The following HNRNPC variants were observed in gnomAD, a reference collection of about 807,000 sequenced individuals.
HNRNPC encodes heterogeneous nuclear ribonucleoprotein C.
Under a neutral mutation model 33.2 loss-of-function variants are expected in HNRNPC, and 3 were observed. The ratio of observed to expected loss-of-function variants is 0.09; its 90% CI spans 0.04 to 0.23. The LOEUF is 0.23. Among genes scored for constraint, HNRNPC ranks in the 10% least tolerant of loss-of-function variants. The probability of loss-of-function intolerance (pLI) is 1.00; values close to 1 mark genes in which losing one functional copy is unlikely to be tolerated. For missense variants in HNRNPC, 143 were observed against 366.7 expected, an observed-to-expected ratio of 0.39 and a Z score of 4.98; for synonymous variants, 121 against 126.7, an observed-to-expected ratio of 0.96 and a Z score of 0.30.
intron 5 of HNRNPC, among the ~76,000 whole-genome samples, chr14:21,218,011 T>G (rs2139502953): frequency 6.6e-6 from 1 of 152,260 alleles, no homozygotes; most frequent in East Asian, 1.9e-4. Context: ...TTCTGAAACT[T>G]GACTGGATTC....
chr14:21,216,891 T>C (rs890215508), intron 5 of HNRNPC, among the ~76,000 whole-genome samples: 3 of 152,192 alleles, frequency 2.0e-5, no homozygotes, highest in Non-Finnish European at 2.9e-5. Flanking sequence ...ATATGTCAAA[T>C]TGTGACCGAA....
intron 5 of HNRNPC, among the ~76,000 whole-genome samples, chr14:21,214,382 C>G (rs1046193286): frequency 7.2e-5 from 11 of 152,322 alleles, no homozygotes; most frequent in South Asian, 2.1e-4. Context: ...ATTCTCTCCT[C>G]TGTTAACTTA....
chr14:21,244,827 AGTT>A, intron 2 of HNRNPC, among the ~76,000 whole-genome samples: 1 of 152,290 alleles, frequency 6.6e-6, no homozygotes, highest in South Asian at 2.1e-4. Context: ...CACTATAAGA[AGTT>A]CTAACACAGG....
In HNRNPC at chr14:21,243,718, A is replaced by T. The variant is rs372317796; in HGVS notation, c.-36-9489T>A. 5.9e-5 allele frequency among the ~76,000 whole-genome samples: 9 copies of T among 152,330 alleles called. No individual in the cohort carries two copies. In the South Asian group the frequency reaches 1.9e-3, roughly 32 times the overall value. ...TAGGTCCCTATATCTGTATTCATTAATCAACTGAGGATATTCAATTTCAAG... is the reference window on the plus strand; with the variant it reads ...TAGGTCCCTATATCTGTATTCATTATTCAACTGAGGATATTCAATTTCAAG... On this transcript the variant is annotated intron_variant, in intron 2 of 8. Coordinates refer to ENST00000553300, the MANE Select transcript of HNRNPC (RefSeq NM_004500.4).
intron 2 of HNRNPC, among the ~76,000 whole-genome samples, chr14:21,253,791 C>G (rs573434707): frequency 2.0e-5 from 3 of 151,952 alleles, no homozygotes; most frequent in Non-Finnish European, 4.4e-5. Context: ...TGCGGCCAGG[C>G]GCGGTGGCTC....
At chr14:21,261,267 A>C (rs1294619110) in intron 2 of HNRNPC, among the ~76,000 whole-genome samples, 2 of 152,206 alleles carry the variant, frequency 1.3e-5, no homozygotes, top group Non-Finnish European at 2.9e-5. Flanking sequence ...CCCCAAACAC[A>C]ACATGTCCCA....
At chr14:21,242,978 A>G (rs1895535960) in intron 2 of HNRNPC, among the ~76,000 whole-genome samples, 1 of 152,126 alleles carries the variant, frequency 6.6e-6, no homozygotes, top group African/African-American at 2.4e-5. Context: ...TACAAAGATA[A>G]GCTGGGTGTG....
intron 2 of HNRNPC, chr14:21,262,764 G>A (rs1878446353): frequency 6.6e-6 from 1 of 152,196 alleles, no homozygotes; most frequent in African/African-American, 2.4e-5. Flanking sequence ...ACAGGAGGAA[G>A]ATGGCTTTCA....
chr14:21,255,461 C>T (rs999864470), intron 2 of HNRNPC, among the ~76,000 whole-genome samples: 1 of 152,200 alleles, frequency 6.6e-6, no homozygotes, highest in South Asian at 2.1e-4. Flanking sequence ...AATGTTGATA[C>T]AGGCAACACG....
intron 6 of HNRNPC, among the ~76,000 whole-genome samples, chr14:21,212,435 T>G (rs879595341): frequency 6.6e-6 from 1 of 152,224 alleles, no homozygotes; most frequent in Non-Finnish European, 1.5e-5. Flanking sequence ...TCTCAGGAAC[T>G]TAACGCACAC....
In HNRNPC at chr14:21,210,361, CAAGTT is replaced by C. The variant is rs1483092707; in HGVS notation, c.*857_*861del. 1 of 152,256 alleles carries C rather than the reference CAAGTT, an allele frequency of 6.6e-6. No homozygotes were observed. Among genetic ancestry groups the C allele is most frequent in the Non-Finnish European group, 1.5e-5 (1 of 68,038 alleles). 9.4% of individuals were successfully genotyped at this position (152,256 alleles called of 1,614,324 possible). ...TTTTGAAAAAGTCTCCACTCTATGT[CAAGTT>C]GACTCCTCAATGCAACATGCATCTC... is the stretch of plus-strand genomic sequence containing the variant. On this transcript the variant is annotated 3_prime_UTR_variant, in exon 9 of 9. Transcript: ENST00000553300.
intron 5 of HNRNPC, among the ~76,000 whole-genome samples, chr14:21,220,251 T>C (rs1438972373): frequency 2.0e-5 from 3 of 151,990 alleles, no homozygotes; most frequent in Non-Finnish European, 1.5e-5. Flanking sequence ...TTTTTTTTTT[T>C]TTGGAGACAG....
intron 2 of HNRNPC, among the ~76,000 whole-genome samples, chr14:21,242,357 G>A (rs1030657084): frequency 9.9e-5 from 15 of 152,114 alleles, no homozygotes; most frequent in African/African-American, 2.9e-4. Context: ...GATGTCAAGC[G>A]CCTATAATTC....
chr14:21,221,692 T>TAC (rs1892838939), intron 5 of HNRNPC, among the ~76,000 whole-genome samples: 1 of 152,190 alleles, frequency 6.6e-6, no homozygotes, highest in African/African-American at 2.4e-5. Context: ...TAACGAATCC[T>TAC]ACAACTAATT....
At chr14:21,247,995 A>T (rs1896190740) in intron 2 of HNRNPC, among the ~76,000 whole-genome samples, 1 of 145,528 alleles carries the variant, frequency 6.9e-6, no homozygotes. Flanking sequence ...CATCATAAAA[A>T]AGAAAAAAAA....
At chr14:21,254,200 C>T (rs557739798) in intron 2 of HNRNPC, among the ~76,000 whole-genome samples, 42 of 151,968 alleles carry the variant, frequency 2.8e-4, no homozygotes, top group African/African-American at 1.0e-3. Context: ...CTGTCCAAAG[C>T]TTTGTTTACA....
At chr14:21,256,218 C>T (rs527951512) in intron 2 of HNRNPC, among the ~76,000 whole-genome samples, 1 of 152,032 alleles carries the variant, frequency 6.6e-6, no homozygotes, top group African/African-American at 2.4e-5. Flanking sequence ...GAGGCAGAGA[C>T]GGGCAGATCA....
chr14:21,233,837 A>G (rs1332656915), intron 3 of HNRNPC, 116 bp downstream of exon 3: 4 of 1,264,442 alleles, frequency 3.2e-6, no homozygotes, highest in Non-Finnish European at 4.4e-6. Flanking sequence ...TAGGCTAAAC[A>G]GTCGCAATAT....
Position 21,220,531 on chromosome 14 carries a change from T to C in HNRNPC, c.366-7414A>G, listed in dbSNP as rs567166503. 2.6e-5 allele frequency among the ~76,000 whole-genome samples: 4 copies of C among 152,336 alleles called. No homozygotes were observed. In the East Asian group the frequency reaches 7.7e-4, roughly 29 times the overall value. On this transcript the variant is annotated intron_variant, in intron 5 of 8. Transcript: ENST00000553300. Reference sequence around the variant, plus strand: ...GGCGTCAGCCACCACTCTCGGCCTCTATTTCTTATTATAGTATTCCTGCTA... The same window carrying C: ...GGCGTCAGCCACCACTCTCGGCCTCCATTTCTTATTATAGTATTCCTGCTA...
Sources: allele counts gnomAD v4.1 joint callset (sites outside exome capture counted in the v4.1 genomes callset), GRCh38; gene constraint gnomAD v4.1.1; transcripts MANE v1.5; gene names NCBI Gene and HGNC (gene_info 2026-07-23, HGNC 2026-07-21).